The following EFCAB11 variants were observed in gnomAD, a reference collection of about 807,000 sequenced individuals.
The protein encoded by EFCAB11 is EF-hand calcium-binding domain-containing protein 11.
Under a neutral mutation model 23.0 loss-of-function variants are expected in EFCAB11, and 14 were observed. That is an observed-to-expected ratio of 0.61 (90% CI 0.40 to 0.95). EFCAB11 has a LOEUF of 0.95. Among genes scored for constraint, EFCAB11 ranks in the 40% least tolerant of loss-of-function variants. The pLI is 0.00. For synonymous variants in EFCAB11, 65 were observed against 66.6 expected (o/e 0.98, Z 0.11); for missense variants, 198 against 195.8 (o/e 1.01, Z -0.07).
At chr14:89,868,984 T>C (rs949563630) in intron 5 of EFCAB11, among the ~76,000 whole-genome samples, 2 of 152,110 alleles carry the variant, frequency 1.3e-5, no homozygotes, top group African/African-American at 4.8e-5. Context: ...GGAGGATCAC[T>C]TGAGCCTAGG....
chr14:89,829,707 A>G (rs760655558), intron 5 of EFCAB11: 6 of 152,202 alleles, frequency 3.9e-5, no homozygotes, highest in Non-Finnish European at 7.4e-5. Flanking sequence ...GTTTCTGCAG[A>G]TTGCTATGAC....
chr14:89,800,001 T>A (rs1885718899), intron 5 of EFCAB11, among the ~76,000 whole-genome samples: 1 of 151,874 alleles, frequency 6.6e-6, no homozygotes, highest in African/African-American at 2.4e-5. Flanking sequence ...GCCTGGCCAA[T>A]GTGGTGAAAC....
chr14:89,885,727 AAG>A (rs1187450448), intron 5 of EFCAB11, among the ~76,000 whole-genome samples: 128 of 137,730 alleles, frequency 9.3e-4, no homozygotes, highest in African/African-American at 2.8e-3. Context: ...GAGAGAGAGA[AAG>A]AGAGAGAGAG....
rs1391251524 is a variant in EFCAB11 at position 89,857,991 on chromosome 14, GACCCTGGACAAAGCATCTAAGGT to G, written c.411-60690_411-60668del. 1.5e-4 allele frequency among the ~76,000 whole-genome samples: 23 copies of G among 152,338 alleles called. 1 individual carries two copies. Among genetic ancestry groups the G allele is most frequent in the African/African-American group, 5.5e-4 (23 of 41,566 alleles). ...ATAACTTGGATCACAGATGCTTTCA[GACCCTGGACAAAGCATCTAAGGT>G]AGCAAACAGAATCTAATGGTACAGG... On this transcript the variant is annotated intron_variant, in intron 5 of 5. Transcript: ENST00000316738.
intron 5 of EFCAB11, among the ~76,000 whole-genome samples, chr14:89,865,950 G>A (rs1270263922): frequency 6.6e-6 from 1 of 151,900 alleles, no homozygotes; most frequent in Admixed American, 6.5e-5. Flanking sequence ...TTACAGGTGT[G>A]AGCCACAATG....
At chr14:89,817,281 C>T (rs1566769671) in intron 5 of EFCAB11, among the ~76,000 whole-genome samples, 6 of 151,874 alleles carry the variant, frequency 4.0e-5, no homozygotes. Context: ...TTTGGGAGGC[C>T]AAGGGGGGAG....
chr14:89,924,246 A>G, intron 5 of EFCAB11: 4 of 994,742 alleles, frequency 4.0e-6, no homozygotes, highest in Non-Finnish European at 4.8e-6. Context: ...TCCCTTGTGT[A>G]ATATGAAGAA....
At position 89,818,890 on chromosome 14, in the gene EFCAB11, A is replaced by T. The variant is rs569240821; in HGVS notation, c.411-21566T>A. Among the ~76,000 whole-genome samples, 3 of 152,366 alleles carry T rather than the reference A, an allele frequency of 2.0e-5. No homozygotes were observed. In the South Asian group the frequency reaches 6.2e-4, roughly 32 times the overall value. ...AGATCGAGTGTTAGTGAGGATGCAG[A>T]GCACCTGGAATTCTCATTCACTGCT... On this transcript the variant is annotated intron_variant, in intron 5 of 5. Transcript: ENST00000316738.
At chr14:89,878,671 A>C (rs1207459548) in intron 5 of EFCAB11, among the ~76,000 whole-genome samples, 1 of 152,154 alleles carries the variant, frequency 6.6e-6, no homozygotes, top group Non-Finnish European at 1.5e-5. Flanking sequence ...CATAGCAATC[A>C]ATATCTCTAC....
intron 5 of EFCAB11, among the ~76,000 whole-genome samples, chr14:89,809,040 G>A (rs1886065229): frequency 6.6e-6 from 1 of 152,206 alleles, no homozygotes; most frequent in African/African-American, 2.4e-5. Context: ...AAGTTGGTAT[G>A]GAGATGGGAG....
At chr14:89,954,497 C>T in intron 1 of EFCAB11, 89 bp downstream of exon 1, 1 of 1,562,432 alleles carries the variant, frequency 6.4e-7, no homozygotes, top group South Asian at 1.2e-5. Flanking sequence ...ATCTGCACAC[C>T]CGGCAGAGTG....
chr14:89,876,440 G>T (rs1389446527), intron 5 of EFCAB11, among the ~76,000 whole-genome samples: 2 of 152,098 alleles, frequency 1.3e-5, no homozygotes, highest in African/African-American at 4.8e-5. Flanking sequence ...TAGGACGGGG[G>T]AAATTTCTAT....
intron 5 of EFCAB11, among the ~76,000 whole-genome samples, chr14:89,895,594 T>C (rs983028008): frequency 8.5e-5 from 13 of 152,164 alleles, no homozygotes; most frequent in Non-Finnish European, 1.5e-5. Context: ...ATACTGATTG[T>C]CCATATGGAA....
intron 5 of EFCAB11, among the ~76,000 whole-genome samples, chr14:89,824,314 G>C (rs1050975556): frequency 6.6e-6 from 1 of 152,024 alleles, no homozygotes; most frequent in African/African-American, 2.4e-5. Flanking sequence ...AAGTAAAATA[G>C]AAACATTTTC....
At chr14:89,842,733 G>C (rs146085950) in intron 5 of EFCAB11, among the ~76,000 whole-genome samples, 1 of 152,076 alleles carries the variant, frequency 6.6e-6, no homozygotes, top group Non-Finnish European at 1.5e-5. Context: ...ACAGCCCTTC[G>C]TGATGTGGCT....
At chr14:89,922,966 G>A (rs1045388930) in intron 5 of EFCAB11, among the ~76,000 whole-genome samples, 2 of 152,132 alleles carry the variant, frequency 1.3e-5, no homozygotes, top group African/African-American at 2.4e-5. Flanking sequence ...ATTTGTATCC[G>A]GATGGGTTTA....
chr14:89,914,722 T>C (rs983024149), intron 5 of EFCAB11, among the ~76,000 whole-genome samples: 1 of 151,618 alleles, frequency 6.6e-6, no homozygotes. Flanking sequence ...GAGGTGGAGG[T>C]TGCAGTGAGC....
At chr14:89,833,223 G>A (rs1886945784) in intron 5 of EFCAB11, 1 of 150,962 alleles carries the variant, frequency 6.6e-6, no homozygotes, top group Non-Finnish European at 1.5e-5. Flanking sequence ...GATGAATATT[G>A]TTATTAAAGT....
chr14:89,834,799 C>T (rs902498919), intron 5 of EFCAB11, among the ~76,000 whole-genome samples: 8 of 152,174 alleles, frequency 5.3e-5, no homozygotes, highest in Admixed American at 3.3e-4. Context: ...GTGACTGCAG[C>T]TTAATGCAGA....
Sources: allele counts gnomAD v4.1 joint callset (sites outside exome capture counted in the v4.1 genomes callset), GRCh38; gene constraint gnomAD v4.1.1; transcripts MANE v1.5; gene names NCBI Gene and HGNC (gene_info 2026-07-23, HGNC 2026-07-21).